ZNF236: variants seen among roughly 807,000 people sequenced by gnomAD.
ZNF236 encodes zinc finger protein 236, also known as regulated by glucose.
A neutral mutation model predicts 191.2 loss-of-function variants in ZNF236; 50 were observed. That is an observed-to-expected ratio of 0.26 (90% CI 0.21 to 0.33). ZNF236 has a LOEUF of 0.33. ZNF236 is among the 10% of genes least tolerant of loss of function. The pLI is 1.00. For missense variants in ZNF236, 1,754 were observed against 2,374.5 expected (o/e 0.74, Z 5.43); for synonymous variants, 907 against 928.8 (o/e 0.98, Z 0.43).
At chr18:76,845,454 GTGTT>G (rs1305398740) in intron 1 of ZNF236, among the ~76,000 whole-genome samples, 1 of 152,176 alleles carries the variant, frequency 6.6e-6, no homozygotes, top group African/African-American at 2.4e-5. Context: ...TTTGGTATGT[GTGTT>G]TGTGCATGAG....
intron 3 of ZNF236, among the ~76,000 whole-genome samples, chr18:76,855,477 A>T (rs1976014936): frequency 6.6e-6 from 1 of 152,180 alleles, no homozygotes; most frequent in Admixed American, 6.5e-5. Flanking sequence ...TAGTCAACCC[A>T]TAATATTCTG....
At chr18:76,840,855 C>G (rs1200373068) in intron 1 of ZNF236, 1 of 146,306 alleles carries the variant, frequency 6.8e-6, no homozygotes, top group Non-Finnish European at 1.5e-5. Context: ...GAGTCTCGCT[C>G]TATCGCCCAG....
chr18:76,914,784 A>G (rs1967312403), intron 18 of ZNF236, among the ~76,000 whole-genome samples: 3 of 152,228 alleles, frequency 2.0e-5, no homozygotes, highest in Admixed American at 1.3e-4. Flanking sequence ...TATCAGATGC[A>G]TGGTGTACAG....
At chr18:76,916,651 T>C (rs1371150179) in intron 19 of ZNF236, among the ~76,000 whole-genome samples, 1 of 152,246 alleles carries the variant, frequency 6.6e-6, no homozygotes, top group East Asian at 1.9e-4. Flanking sequence ...ACATTTTATA[T>C]TTTGACACGT....
chr18:76,897,955 G>T (rs983872088), intron 10 of ZNF236: 5 of 152,208 alleles, frequency 3.3e-5, no homozygotes, highest in Non-Finnish European at 5.9e-5. Context: ...TGATCTCCAT[G>T]GAGCTAAGGA....
intron 1 of ZNF236, among the ~76,000 whole-genome samples, chr18:76,839,897 T>C (rs542899692): frequency 3.9e-5 from 6 of 152,318 alleles, no homozygotes; most frequent in Non-Finnish European, 5.9e-5. Flanking sequence ...TATAGAAAAT[T>C]AGTTTTTTGC....
intron 10 of ZNF236, among the ~76,000 whole-genome samples, chr18:76,896,177 CGTGGT>C (rs1977402271): frequency 6.6e-6 from 1 of 151,694 alleles, no homozygotes. Context: ...AGGGACCACA[CGTGGT>C]ACCAAACACA....
chr18:76,925,508 G>A lies in ZNF236; in HGVS notation c.3981G>A (p.Leu1327=). The change falls in exon 22 of 31, where the codon CTG becomes CTA. Residue 1327 remains leucine (L), a synonymous_variant. Coordinates refer to ENST00000320610, the MANE Select transcript of ZNF236 (RefSeq NM_001306089.2). The surrounding 1 kb of genome is among the most constrained non-coding windows in gnomAD (Gnocchi z 5.7). ...CAGGACAGTTTGATCAGAATCTGCT[G>A]CAACCAGGACTGGTGGGCCAAGCTA... is the stretch of plus-strand genomic sequence containing the variant. ...VLTGQFDQNL[L]QPGLVGQAIL... is the part of the protein sequence containing the mutation. 6.2e-7 allele frequency: 1 copy of A among 1,614,058 alleles called. No individual in the cohort carries two copies. The highest frequency in any genetic ancestry group is 8.5e-7 in the Non-Finnish European group (1 of 1,180,032).
At chr18:76,923,366 A>G (rs922445278) in intron 21 of ZNF236, among the ~76,000 whole-genome samples, 192 bp downstream of exon 21, 1 of 152,194 alleles carries the variant, frequency 6.6e-6, no homozygotes, top group Non-Finnish European at 1.5e-5. Context: ...GACACTAAGA[A>G]AAAAAAGGAT....
At position 76,868,920 on chromosome 18, in the gene ZNF236, G is replaced by A. The variant is rs751114565; in HGVS notation, c.542+57G>A. 4.5e-4 allele frequency: 667 copies of A among 1,494,038 alleles called. 2 individuals carry two copies. Among genetic ancestry groups the A allele is most frequent in the Non-Finnish European group, 5.5e-4 (618 of 1,114,532 alleles). The allele number at this position is 1,494,038 out of a possible 1,614,324, so 92.5% of individuals were successfully genotyped here. ...TCCATCTAATATGTTAAAAGCTGGCGCACTTTGGTACGACCCACTGGAAAT... is the reference window on the plus strand; with the variant it reads ...TCCATCTAATATGTTAAAAGCTGGCACACTTTGGTACGACCCACTGGAAAT... On this transcript the variant is annotated intron_variant, in intron 4 of 30. Coordinates refer to ENST00000320610, the MANE Select transcript of ZNF236 (RefSeq NM_001306089.2).
At chr18:76,838,011 G>T (rs564393057) in intron 1 of ZNF236, among the ~76,000 whole-genome samples, 3 of 152,300 alleles carry the variant, frequency 2.0e-5, no homozygotes, top group African/African-American at 7.2e-5. Context: ...ATTGTTGGTG[G>T]TACATGTCAT....
At position 76,960,610 on chromosome 18, in the gene ZNF236, C is replaced by T; in HGVS notation, c.5243-69C>T. 1 of 1,575,858 alleles carries T rather than the reference C, an allele frequency of 6.3e-7. No homozygotes were observed. The highest frequency in any genetic ancestry group is 8.7e-7 in the Non-Finnish European group (1 of 1,147,692). ...AACATTCAGTCCCTCTTGTTCATAC[C>T]TCAGGGTAGAGCCCAGGCATCCACT... is the stretch of plus-strand genomic sequence containing the variant. On this transcript the variant is annotated intron_variant, in intron 29 of 30. Transcript: ENST00000320610. This position sits in a 1 kb window ranked among gnomAD's most constrained non-coding sequence, Gnocchi z 4.4.
chr18:76,863,725 C>T (rs1976311800), intron 3 of ZNF236, among the ~76,000 whole-genome samples: 1 of 151,908 alleles, frequency 6.6e-6, no homozygotes, highest in Non-Finnish European at 1.5e-5. Flanking sequence ...CCATGCCTGG[C>T]TACAAATTCT....
chr18:76,953,135 C>T (rs1199234338), intron 27 of ZNF236, among the ~76,000 whole-genome samples: 1 of 152,212 alleles, frequency 6.6e-6, no homozygotes, highest in African/African-American at 2.4e-5. Flanking sequence ...CTAAGAGAGC[C>T]ATTGACAGAC....
At chr18:76,885,160 A>C (rs985532847) in intron 9 of ZNF236, 1 of 152,514 alleles carries the variant, frequency 6.6e-6, no homozygotes, top group African/African-American at 2.4e-5. Flanking sequence ...ACTTGACAAA[A>C]GTCCTAAATC....
intron 26 of ZNF236, among the ~76,000 whole-genome samples, chr18:76,939,387 G>A (rs1010288293): frequency 6.6e-6 from 1 of 152,086 alleles, no homozygotes; most frequent in Non-Finnish European, 1.5e-5. Context: ...TAAATGACTG[G>A]GGTGTGCTTT....
intron 1 of ZNF236, among the ~76,000 whole-genome samples, chr18:76,842,673 C>T (rs2122466312): frequency 6.6e-6 from 1 of 152,086 alleles, no homozygotes; most frequent in South Asian, 2.1e-4. Context: ...ATCGCTTGAA[C>T]CCGGGAGGCG....
chr18:76,945,141 C>T (rs1219912734), intron 26 of ZNF236, among the ~76,000 whole-genome samples: 1 of 152,114 alleles, frequency 6.6e-6, no homozygotes, highest in Non-Finnish European at 1.5e-5. Context: ...TTTGCTATTT[C>T]AAAACAACAA....
At chr18:76,909,286 G>T (rs1340118214) in intron 14 of ZNF236, among the ~76,000 whole-genome samples, 2 of 137,834 alleles carry the variant, frequency 1.5e-5, no homozygotes, top group Non-Finnish European at 3.0e-5. Flanking sequence ...TTGCACTCCA[G>T]CCTGGACAAC....
Sources: allele counts gnomAD v4.1 joint callset (sites outside exome capture counted in the v4.1 genomes callset), GRCh38; gene constraint gnomAD v4.1.1; non-coding constraint Gnocchi (gnomAD v3.1); transcripts MANE v1.5; gene names NCBI Gene and HGNC (gene_info 2026-07-23, HGNC 2026-07-21).